TUSC3: variants seen among roughly 807,000 people sequenced by gnomAD.
TUSC3 encodes the protein dolichyl-diphosphooligosaccharide--protein glycosyltransferase subunit TUSC3.
A neutral mutation model predicts 44.8 loss-of-function variants in TUSC3; 45 were observed. The observed-to-expected ratio is 1.00, with a 90% confidence interval of 0.79 to 1.29. The LOEUF (loss-of-function observed/expected upper bound fraction) is 1.29. Among genes scored for constraint, TUSC3 ranks in the 50% most tolerant of loss-of-function variants. TUSC3 has a pLI of 0.00. For synonymous variants in TUSC3, 212 were observed against 152.9 expected (o/e 1.39, Z -2.85); for missense variants, 519 against 437.9 (o/e 1.19, Z -1.65).
intron 6 of TUSC3, among the ~76,000 whole-genome samples, chr8:15,725,096 A>G (rs1401345447): frequency 1.3e-5 from 2 of 152,182 alleles, no homozygotes; most frequent in African/African-American, 4.8e-5. Flanking sequence ...TATAATTTTA[A>G]AAATGATCAA....
chr8:15,505,223 C>T (rs1018995918), intron 2 of TUSC3, among the ~76,000 whole-genome samples: 3 of 152,122 alleles, frequency 2.0e-5, no homozygotes, highest in Non-Finnish European at 4.4e-5. Context: ...TCTGGATGAT[C>T]AAATATTTTA....
chr8:15,457,213 A>T (rs948852909), intron 1 of TUSC3, among the ~76,000 whole-genome samples: 6 of 152,032 alleles, frequency 3.9e-5, no homozygotes, highest in South Asian at 2.1e-4. Context: ...ATACACCTAA[A>T]GTAAATGACG....
At position 15,577,984 on chromosome 8, in the gene TUSC3, T is replaced by C. The variant is rs1302656512; in HGVS notation, c.138+37416T>C. Among the ~76,000 whole-genome samples, 22 of 149,850 alleles carry C rather than the reference T, an allele frequency of 1.5e-4. 1 individual carries two copies. In the Middle Eastern group the frequency reaches 0.014, roughly 95 times the overall value. ...TTCCATTTGTTTGTATCCTCTTTTA[T>C]TTCCTTGAGCAGTGGTTTGTAGTTC... On this transcript the variant is annotated intron_variant, in intron 1 of 10. Coordinates refer to ENST00000503731, the MANE Select transcript of TUSC3 (RefSeq NM_006765.4).
the TUSC3 span, among the ~76,000 whole-genome samples, chr8:15,845,975 AC>A: frequency 2.6e-5 from 4 of 151,854 alleles, no homozygotes; most frequent in African/African-American, 9.7e-5. Flanking sequence ...GGCACTTCTT[AC>A]ATCATGGCAG....
chr8:15,841,239 T>G, the TUSC3 span, among the ~76,000 whole-genome samples: 1 of 152,148 alleles, frequency 6.6e-6, no homozygotes, highest in Non-Finnish European at 1.5e-5. Context: ...AGATACATAG[T>G]TCTAACTCTA....
chr8:15,609,035 TG>T (rs1211854127), intron 1 of TUSC3, among the ~76,000 whole-genome samples: 1 of 152,232 alleles, frequency 6.6e-6, no homozygotes, highest in African/African-American at 2.4e-5. Context: ...TTTAAAACTT[TG>T]CTCTTGGCTG....
the TUSC3 span, among the ~76,000 whole-genome samples, chr8:15,828,817 A>G: frequency 2.0e-5 from 3 of 152,212 alleles, no homozygotes; most frequent in African/African-American, 7.2e-5. Flanking sequence ...GGCTGAAAAC[A>G]GTCTGTTTTT....
At chr8:15,478,966 C>T (rs555359662) in intron 1 of TUSC3, among the ~76,000 whole-genome samples, 1 of 152,136 alleles carries the variant, frequency 6.6e-6, no homozygotes, top group African/African-American at 2.4e-5. Flanking sequence ...TTTTTAATAA[C>T]CATCATTGTG....
intron 2 of TUSC3, among the ~76,000 whole-genome samples, chr8:15,523,212 G>C (rs537530871): frequency 8.5e-5 from 13 of 152,092 alleles, no homozygotes. Flanking sequence ...GAGTGAGATC[G>C]TCTGAGTTGA....
the TUSC3 span, among the ~76,000 whole-genome samples, chr8:15,846,860 A>G: frequency 6.7e-6 from 1 of 149,182 alleles, no homozygotes; most frequent in Non-Finnish European, 1.5e-5. Context: ...CCAGAACTTA[A>G]AGTATAATGA....
chr8:15,616,343 C>T (rs1255936363), intron 1 of TUSC3, among the ~76,000 whole-genome samples: 1 of 152,024 alleles, frequency 6.6e-6, no homozygotes, highest in Non-Finnish European at 1.5e-5. Context: ...TTTGGGAGGC[C>T]ATGGCGGGTG....
At chr8:15,465,515 ATTGAT>A (rs1800402933) in intron 1 of TUSC3, among the ~76,000 whole-genome samples, 1 of 152,210 alleles carries the variant, frequency 6.6e-6, no homozygotes, top group Non-Finnish European at 1.5e-5. Flanking sequence ...AAAAATGCAA[ATTGAT>A]TTGAGATGTT....
chr8:15,502,864 C>G (rs1800986316), intron 2 of TUSC3, among the ~76,000 whole-genome samples: 1 of 152,120 alleles, frequency 6.6e-6, no homozygotes, highest in Non-Finnish European at 1.5e-5. Context: ...AGTGCCTTCC[C>G]AAAAAGAATG....
Position 15,661,252 on chromosome 8 carries a change from A to G in TUSC3, c.568-904A>G, listed in dbSNP as rs1476444397. 2.6e-5 allele frequency among the ~76,000 whole-genome samples: 4 copies of G among 152,078 alleles called. No individual in the cohort carries two copies. The East Asian group carries it at 7.7e-4, about 29-fold the overall frequency. ...TACCCATATTACAATTTTGTCAAGT[A>G]ACCTAATACCCTTTACATTGTCCAC... On this transcript the variant is annotated intron_variant, in intron 4 of 10. Coordinates refer to ENST00000503731, the MANE Select transcript of TUSC3 (RefSeq NM_006765.4).
intron 2 of TUSC3, among the ~76,000 whole-genome samples, chr8:15,504,615 A>T (rs1293710915): frequency 1.6e-4 from 3 of 19,022 alleles, no homozygotes; most frequent in East Asian, 1.9e-3. Context: ...ATATATATAT[A>T]TATATATTTT....
intron 7 of TUSC3, among the ~76,000 whole-genome samples, chr8:15,742,206 G>A (rs1369237589): frequency 6.6e-6 from 1 of 152,236 alleles, no homozygotes; most frequent in African/African-American, 2.4e-5. Context: ...AAAGTTTAGT[G>A]CTAGTCTATG....
chr8:15,444,409 G>A (rs956527519), intron 1 of TUSC3, among the ~76,000 whole-genome samples: 1 of 152,140 alleles, frequency 6.6e-6, no homozygotes, highest in Non-Finnish European at 1.5e-5. Context: ...AGTGAGTCAG[G>A]GGAGATAGCA....
intron 2 of TUSC3, among the ~76,000 whole-genome samples, chr8:15,523,674 G>A (rs1370700883): frequency 0.028 from 631 of 22,530 alleles, 32 homozygotes; most frequent in African/African-American, 0.077. Flanking sequence ...ATGTGTGTGT[G>A]TGTGTGTGTG....
intron 9 of TUSC3, among the ~76,000 whole-genome samples, chr8:15,753,722 G>GACAA (rs1811804978): frequency 6.6e-6 from 1 of 151,898 alleles, no homozygotes; most frequent in Non-Finnish European, 1.5e-5. Context: ...ATAACTGCCT[G>GACAA]ACAAACATCG....
Sources: allele counts gnomAD v4.1 joint callset (sites outside exome capture counted in the v4.1 genomes callset), GRCh38; gene constraint gnomAD v4.1.1; transcripts MANE v1.5; gene names NCBI Gene and HGNC (gene_info 2026-07-23, HGNC 2026-07-21).